SUCLG2: variants seen among roughly 807,000 people sequenced by gnomAD.
The protein encoded by SUCLG2 is succinate--CoA ligase [GDP-forming] subunit beta, mitochondrial.
A neutral mutation model predicts 47.9 loss-of-function variants in SUCLG2; 42 were observed. That is an observed-to-expected ratio of 0.88 (90% CI 0.69 to 1.14). SUCLG2 has a LOEUF of 1.14. Among genes scored for constraint, SUCLG2 ranks in the 50% most tolerant of loss-of-function variants. The probability of loss-of-function intolerance (pLI) is 0.00; values close to 1 mark genes in which losing one functional copy is unlikely to be tolerated. For missense variants in SUCLG2, 571 were observed against 525.9 expected (o/e 1.09, Z -0.84); for synonymous variants, 195 against 197.3 (o/e 0.99, Z 0.10).
chr3:67,641,661 G>C (rs988119819), intron 1 of SUCLG2, among the ~76,000 whole-genome samples: 2 of 152,176 alleles, frequency 1.3e-5, no homozygotes, highest in Non-Finnish European at 2.9e-5. Flanking sequence ...AAAGTTCATT[G>C]ATGTGTGTAT....
At chr3:67,431,084 C>A (rs1442102519) in intron 9 of SUCLG2, among the ~76,000 whole-genome samples, 2 of 152,094 alleles carry the variant, frequency 1.3e-5, no homozygotes, top group African/African-American at 4.8e-5. Flanking sequence ...AGGAGGGAAT[C>A]CTCCCTAACT....
At chr3:67,559,909 A>G (rs1452003790) in intron 2 of SUCLG2, among the ~76,000 whole-genome samples, 2 of 148,798 alleles carry the variant, frequency 1.3e-5, no homozygotes, top group East Asian at 2.0e-4. Flanking sequence ...AGGTTCATCA[A>G]TCGTAATGAA....
At chr3:67,563,264 G>A (rs1360555305) in intron 2 of SUCLG2, among the ~76,000 whole-genome samples, 3 of 152,064 alleles carry the variant, frequency 2.0e-5, no homozygotes, top group Admixed American at 6.5e-5. Context: ...TCTAACTGCT[G>A]TGAACAGTGA....
chr3:67,378,645 CCA>C (rs1174455604), intron 10 of SUCLG2, among the ~76,000 whole-genome samples: 2 of 152,180 alleles, frequency 1.3e-5, no homozygotes, highest in Admixed American at 1.3e-4. Context: ...TAAGCCACAC[CCA>C]GATTCCTGAC....
chr3:67,524,409 G>C (rs1356201670), intron 4 of SUCLG2, among the ~76,000 whole-genome samples: 2 of 152,194 alleles, frequency 1.3e-5, no homozygotes, highest in African/African-American at 4.8e-5. Context: ...CCCATGAACA[G>C]AGAAGATTAA....
chr3:67,453,489 C>T (rs1050255412), intron 9 of SUCLG2, among the ~76,000 whole-genome samples: 1 of 152,158 alleles, frequency 6.6e-6, no homozygotes, highest in African/African-American at 2.4e-5. Context: ...TAATCACATT[C>T]ATGAGAGCCC....
intron 9 of SUCLG2, among the ~76,000 whole-genome samples, chr3:67,454,548 T>G (rs997273978): frequency 6.6e-6 from 1 of 152,192 alleles, no homozygotes; most frequent in African/African-American, 2.4e-5. Context: ...TATGTAGCTA[T>G]ACATATATAG....
intron 2 of SUCLG2, among the ~76,000 whole-genome samples, chr3:67,561,359 G>A (rs1477190708): frequency 6.6e-6 from 1 of 151,962 alleles, no homozygotes; most frequent in Non-Finnish European, 1.5e-5. Flanking sequence ...AACATCTTTT[G>A]CTTTCTTGCA....
chr3:67,640,585 T>G (rs1559608856), intron 1 of SUCLG2, among the ~76,000 whole-genome samples: 1 of 152,224 alleles, frequency 6.6e-6, no homozygotes. Flanking sequence ...ACATTTGTTT[T>G]CCCCATTCTC....
At chr3:67,630,847 C>T (rs532034247) in intron 1 of SUCLG2, among the ~76,000 whole-genome samples, 6 of 152,314 alleles carry the variant, frequency 3.9e-5, no homozygotes, top group Admixed American at 2.6e-4. Context: ...AACTAACATA[C>T]GATACAAAGC....
chr3:67,406,764 G>C (rs192291196), intron 9 of SUCLG2, among the ~76,000 whole-genome samples: 60 of 152,258 alleles, frequency 3.9e-4, no homozygotes, highest in African/African-American at 1.1e-3. Flanking sequence ...CTTTGGTTTT[G>C]AGACACCTAC....
At chr3:67,457,991 G>A (rs1029276828) in intron 9 of SUCLG2, among the ~76,000 whole-genome samples, 1 of 152,108 alleles carries the variant, frequency 6.6e-6, no homozygotes, top group Non-Finnish European at 1.5e-5. Flanking sequence ...AGAAGGCTTG[G>A]GAGTCTCTGC....
chr3:67,618,918 G>A (rs1700680210), intron 1 of SUCLG2, among the ~76,000 whole-genome samples: 1 of 152,140 alleles, frequency 6.6e-6, no homozygotes, highest in African/African-American at 2.4e-5. Context: ...TTCTTCACAG[G>A]ACATCAGACT....
At chr3:67,418,193 G>T (rs1703077222) in intron 9 of SUCLG2, among the ~76,000 whole-genome samples, 1 of 152,140 alleles carries the variant, frequency 6.6e-6, no homozygotes. Flanking sequence ...TACCTTTGCA[G>T]GGTTGGTGCC....
At position 67,479,140 on chromosome 3, in the gene SUCLG2, C is replaced by A. The variant is rs192096603; in HGVS notation, c.1062+16658G>T. ...AATGAAGTCTCATCTTGATAGTGAA[C>A]GTATGAAATAAAAGAAAAGCATTCA... On this transcript the variant is annotated intron_variant, in intron 9 of 10. Coordinates refer to ENST00000307227, the MANE Select transcript of SUCLG2 (RefSeq NM_003848.4). Among the ~76,000 whole-genome samples the A allele has an allele frequency of 1.8e-3, 278 of 152,060 alleles. 1 individual carries two copies. The highest frequency in any genetic ancestry group is 6.4e-3 in the African/African-American group (266 of 41,470).
intron 9 of SUCLG2, among the ~76,000 whole-genome samples, chr3:67,434,305 C>A (rs963055373): frequency 6.6e-6 from 1 of 152,184 alleles, no homozygotes; most frequent in African/African-American, 2.4e-5. Flanking sequence ...GCGAGAGGAT[C>A]TCTTGAGCTC....
chr3:67,443,394 G>A lies in SUCLG2; in HGVS notation c.1063-42543C>T, dbSNP rs1249598896. 2.9e-5 allele frequency among the ~76,000 whole-genome samples: 2 copies of A among 69,118 alleles called. 1 individual carries two copies. Among genetic ancestry groups the A allele is most frequent in the Non-Finnish European group, 6.3e-5 (2 of 31,588 alleles). 45.3% of individuals were successfully genotyped at this position (69,118 alleles called of 152,430 possible). ...GCGGCTGGAGGAGCGGACGGGCCCCGCGGGGCCCGAGGGCAAGGAGCAGCC... is the reference window on the plus strand; with the variant it reads ...GCGGCTGGAGGAGCGGACGGGCCCCACGGGGCCCGAGGGCAAGGAGCAGCC... On this transcript the variant is annotated intron_variant, in intron 9 of 10. Coordinates refer to ENST00000307227, the MANE Select transcript of SUCLG2 (RefSeq NM_003848.4).
intron 9 of SUCLG2, among the ~76,000 whole-genome samples, chr3:67,422,640 G>A (rs572086453): frequency 1.1e-4 from 17 of 152,170 alleles, no homozygotes; most frequent in African/African-American, 3.6e-4. Flanking sequence ...TGAACTTGAT[G>A]TTGAGAATGA....
chr3:67,376,252 G>GTGGA, intron 10 of SUCLG2: 20 of 985,412 alleles, frequency 2.0e-5, no homozygotes, highest in Non-Finnish European at 2.4e-5. Flanking sequence ...CCGAGAATCT[G>GTGGA]CCCAGCTATG....
Sources: gnomAD v4.1 joint callset for allele counts (sites outside exome capture counted in the v4.1 genomes callset) on GRCh38, gnomAD v4.1.1 for gene constraint, MANE v1.5 for transcripts, NCBI Gene and HGNC (gene_info 2026-07-23, HGNC 2026-07-21) for gene names.